HAS3: variants seen among roughly 807,000 people sequenced by gnomAD.
The protein encoded by HAS3 is hyaluronan synthase 3, also known as HA synthase 3.
In HAS3, 27 loss-of-function variants were observed where a neutral mutation model predicts 50.3. The ratio of observed to expected loss-of-function variants is 0.54; its 90% CI spans 0.40 to 0.74. The LOEUF is 0.74. HAS3 is among the 30% of genes least tolerant of loss of function. The pLI, the probability that HAS3 is intolerant of heterozygous loss-of-function variation, is 0.00. For missense variants in HAS3, 517 were observed against 742.8 expected (o/e 0.70, Z 3.53); for synonymous variants, 339 against 310.9 (o/e 1.09, Z -0.95).
At chr16:69,098,734 C>T in the HAS3 span, among the ~76,000 whole-genome samples, 4 of 140,002 alleles carry the variant, frequency 2.9e-5, no homozygotes, top group Non-Finnish European at 6.0e-5. Flanking sequence ...GGCACAATCT[C>T]GGCTCACCAC....
the HAS3 span, among the ~76,000 whole-genome samples, chr16:69,100,487 A>G: frequency 1.3e-5 from 2 of 152,164 alleles, no homozygotes. Flanking sequence ...GCCATCCTCC[A>G]TTCTGTTTTG....
At chr16:69,104,607 T>TA (rs2152253157), upstream of HAS3, among the ~76,000 whole-genome samples, 1 of 152,268 alleles carries the variant, frequency 6.6e-6, no homozygotes, top group South Asian at 2.1e-4. Context: ...GCTAATTTTT[T>TA]AATTTTAATT....
At position 69,115,481 on chromosome 16, in the gene HAS3, G is replaced by A; in HGVS notation, c.*215G>A. On this transcript the variant is annotated 3_prime_UTR_variant, in exon 4 of 4. Transcript: ENST00000569188. Reference sequence around the variant, plus strand: ...TGATCCCCCAGATGCAGGGCTGCAGGGGATTCTGTGTTTTCAGACTGCCTG... The same window carrying A: ...TGATCCCCCAGATGCAGGGCTGCAGAGGATTCTGTGTTTTCAGACTGCCTG... 1.6e-6 allele frequency: 2 copies of A among 1,266,780 alleles called. No homozygotes were observed. Among genetic ancestry groups the A allele is most frequent in the South Asian group, 6.7e-5 (2 of 29,884 alleles). 78.5% of individuals were successfully genotyped at this position (1,266,780 alleles called of 1,614,324 possible). A position where few individuals can be genotyped will look rare whatever the true frequency, so the allele number is the denominator to read the frequency against.
the HAS3 span, among the ~76,000 whole-genome samples, chr16:69,089,606 G>A: frequency 6.6e-6 from 1 of 152,210 alleles, no homozygotes; most frequent in Non-Finnish European, 1.5e-5. Context: ...TGGGGGTTGG[G>A]AACCTGTGTT....
chr16:69,118,227 G>C (rs1308374490), downstream of HAS3: 3 of 621,480 alleles, frequency 4.8e-6, no homozygotes, highest in Non-Finnish European at 9.0e-6. Context: ...GATGAGTAGA[G>C]GGGCCTTAAA....
chr16:69,096,680 C>T, the HAS3 span, among the ~76,000 whole-genome samples: 431 of 141,432 alleles, frequency 3.0e-3, 4 homozygotes, highest in African/African-American at 0.011. Flanking sequence ...TGCAGTGGCG[C>T]CATCTCGGCT....
chr16:69,114,690 C>T lies in HAS3; in HGVS notation c.1086C>T (p.Phe362=), dbSNP rs1304088413. 6.2e-7 allele frequency: 1 copy of T among 1,614,160 alleles called. No individual in the cohort carries two copies. Among genetic ancestry groups the T allele is most frequent in the East Asian group, 2.2e-5 (1 of 44,882 alleles). Reference sequence around the variant, plus strand: ...AAACCCGCTGGAGCAAGTCTTACTTCCGGGAGTGGCTCTACAACTCTCTGT... The same window carrying T: ...AAACCCGCTGGAGCAAGTCTTACTTTCGGGAGTGGCTCTACAACTCTCTGT... The part of the protein sequence containing the change: ...NQQTRWSKSY[F]REWLYNSLWF... Residue 362 remains phenylalanine (F), a synonymous_variant, in exon 4 of 4, where the codon TTC becomes TTT. Transcript: ENST00000569188. The surrounding 1 kb of genome is among the most constrained non-coding windows in gnomAD (Gnocchi z 6.4).
chr16:69,090,237 A>T, the HAS3 span, among the ~76,000 whole-genome samples: 1 of 152,064 alleles, frequency 6.6e-6, no homozygotes, highest in Non-Finnish European at 1.5e-5. Flanking sequence ...CCACTGACAC[A>T]TGGTCGGCGC....
chr16:69,085,660 C>T, the HAS3 span, among the ~76,000 whole-genome samples: 1 of 151,616 alleles, frequency 6.6e-6, no homozygotes, highest in Non-Finnish European at 1.5e-5. Context: ...ACAACCTTGG[C>T]TCACTGCAAC....
chr16:69,084,984 A>G, the HAS3 span: 1 of 152,368 alleles, frequency 6.6e-6, no homozygotes, highest in African/African-American at 2.4e-5. Flanking sequence ...AAGTGAGCTT[A>G]GTGAGCAGAG....
At chr16:69,088,707 T>C in the HAS3 span, among the ~76,000 whole-genome samples, 92 of 152,200 alleles carry the variant, frequency 6.0e-4, no homozygotes, top group African/African-American at 2.1e-3. Flanking sequence ...GCTATTTGAA[T>C]AACGATCAGG....
chr16:69,091,365 A>G, the HAS3 span, among the ~76,000 whole-genome samples: 2 of 152,084 alleles, frequency 1.3e-5, no homozygotes, highest in African/African-American at 2.4e-5. Flanking sequence ...CTAATTTCCA[A>G]TGGTTTTTCA....
rs1454322542 is a variant in HAS3, at chr16:69,107,629, C to T, written c.1-1767C>T. 2 of 985,474 alleles carry T rather than the reference C, an allele frequency of 2.0e-6. No individual in the cohort carries two copies. Among genetic ancestry groups the T allele is most frequent in the Admixed American group, 6.1e-5 (1 of 16,298 alleles). 61.0% of individuals were successfully genotyped at this position (985,474 alleles called of 1,614,324 possible). On this transcript the variant is annotated intron_variant, in intron 1 of 3. Coordinates refer to ENST00000569188, the MANE Select transcript of HAS3 (RefSeq NM_001199280.2). The surrounding 1 kb of genome is among the most constrained non-coding windows in gnomAD (Gnocchi z 5.5). Reference sequence around the variant, plus strand: ...CCAGCGCCCAGGTTGCTGGGCTGGCCTTGGCGCCCCCTTCCCCTACCCAGA... The same window carrying T: ...CCAGCGCCCAGGTTGCTGGGCTGGCTTTGGCGCCCCCTTCCCCTACCCAGA...
rs986765060 is a variant in HAS3 at position 69,109,857 on chromosome 16, C to T, written c.462C>T (p.Asn154=). ...EQAGFFVWRS[N]FHEAGEGETE... ...CCGGCTTCTTTGTGTGGCGCAGCAA[C>T]TTCCATGAGGCAGGCGAGGGTGAGA... Residue 154 remains asparagine, a synonymous_variant, in exon 2 of 4, where the codon AAC becomes AAT. Coordinates refer to ENST00000569188, the MANE Select transcript of HAS3 (RefSeq NM_001199280.2). This position sits in a 1 kb window ranked among gnomAD's most constrained non-coding sequence, Gnocchi z 5.3. The T allele has an allele frequency of 4.4e-5, 71 of 1,613,524 alleles. No individual in the cohort carries two copies. The highest frequency in any genetic ancestry group is 5.8e-5 in the Non-Finnish European group (69 of 1,180,034).
the HAS3 span, among the ~76,000 whole-genome samples, chr16:69,090,346 T>G: frequency 6.6e-6 from 1 of 152,188 alleles, no homozygotes; most frequent in African/African-American, 2.4e-5. Context: ...TTTGTGTACA[T>G]TTTCAGATGA....
chr16:69,104,637 T>G (rs980907944), upstream of HAS3, among the ~76,000 whole-genome samples: 1 of 152,112 alleles, frequency 6.6e-6, no homozygotes, highest in South Asian at 2.1e-4. Flanking sequence ...ACGGGGGAAG[T>G]CTCGCTTTGT....
rs1233066582 is a variant in HAS3, at chr16:69,116,025, G to A, written c.*759G>A. ...GGGTGTTCCACCTGGAAACTGCTCA[G>A]ACGTCTAGATGGGTTCTTAGCTTGT... On this transcript the variant is annotated 3_prime_UTR_variant, in exon 4 of 4. Transcript: ENST00000569188. The A allele has an allele frequency of 2.1e-6, 2 of 972,564 alleles. No individual in the cohort carries two copies. The highest frequency in any genetic ancestry group is 1.2e-4 in the East Asian group (1 of 8,694). 60.2% of individuals were successfully genotyped at this position (972,564 alleles called of 1,614,324 possible). A position where few individuals can be genotyped will look rare whatever the true frequency, so the allele number is the denominator to read the frequency against.
In HAS3 at chr16:69,107,761, G is replaced by A; in HGVS notation, c.1-1635G>A. 2 of 903,770 alleles carry A rather than the reference G, an allele frequency of 2.2e-6. No homozygotes were observed. The highest frequency in any genetic ancestry group is 2.6e-6 in the Non-Finnish European group (2 of 755,118). The allele number at this position is 903,770 out of a possible 1,614,324, so 56.0% of individuals were successfully genotyped here. A position where few individuals can be genotyped will look rare whatever the true frequency, so the allele number is the denominator to read the frequency against. ...ATGCAGGCCTGGGGACTCCTGGGCC[G>A]CAGGCGCGAGCAGTAGGGTGGCAAC... On this transcript the variant is annotated intron_variant, in intron 1 of 3. Coordinates refer to ENST00000569188, the MANE Select transcript of HAS3 (RefSeq NM_001199280.2). This position sits in a 1 kb window ranked among gnomAD's most constrained non-coding sequence, Gnocchi z 5.5.
chr16:69,089,656 A>G, the HAS3 span, among the ~76,000 whole-genome samples: 1 of 152,180 alleles, frequency 6.6e-6, no homozygotes, highest in East Asian at 1.9e-4. Flanking sequence ...TCCTGCAGGC[A>G]GAGCTCAGGG....
Sources: allele counts gnomAD v4.1 joint callset (sites outside exome capture counted in the v4.1 genomes callset), GRCh38; gene constraint gnomAD v4.1.1; non-coding constraint Gnocchi (gnomAD v3.1); transcripts MANE v1.5; gene names NCBI Gene and HGNC (gene_info 2026-07-23, HGNC 2026-07-21).